Variants in FAM171A1 observed in about 807,000 individuals in gnomAD.
FAM171A1 encodes the protein family with sequence similarity 171 member A1.
A neutral mutation model predicts 74.9 loss-of-function variants in FAM171A1; 23 were observed. The ratio of observed to expected loss-of-function variants is 0.31; its 90% CI spans 0.22 to 0.44. The LOEUF (loss-of-function observed/expected upper bound fraction) is 0.44. Ranked by LOEUF, FAM171A1 falls within the 20% of genes least tolerant of loss-of-function variation. The probability of loss-of-function intolerance (pLI) is 1.00; values close to 1 mark genes in which losing one functional copy is unlikely to be tolerated. For missense variants in FAM171A1, 1,162 were observed against 1,159.2 expected (o/e 1.00, Z -0.03); for synonymous variants, 527 against 505.7 (o/e 1.04, Z -0.57).
intron 5 of FAM171A1, among the ~76,000 whole-genome samples, chr10:15,245,051 CTTTT>C (rs986728042): frequency 9.4e-5 from 14 of 148,748 alleles, no homozygotes; most frequent in Non-Finnish European, 2.1e-4. Flanking sequence ...GTTGACTTTG[CTTTT>C]TTTTTTCTTA....
chr10:15,343,275 G>A (rs1198890804), intron 1 of FAM171A1, among the ~76,000 whole-genome samples: 3 of 152,210 alleles, frequency 2.0e-5, no homozygotes, highest in Non-Finnish European at 4.4e-5. Flanking sequence ...GGGCTGAGGT[G>A]GGAGGATCGC....
rs114734223 is a variant in FAM171A1 at position 15,254,875 on chromosome 10, G to C, written c.423C>G (p.Ala141=). Reference sequence around the variant, plus strand: ...GGAAATGAACGCGAGGCTGTGGCCGGGCACCTGCAGAGATTAACCTCCGAG... The same window carrying C: ...GGAAATGAACGCGAGGCTGTGGCCGCGCACCTGCAGAGATTAACCTCCGAG... ...VVQIVSGFQG[A]RPQPRVHFQR... Residue 141 remains alanine (A), a synonymous_variant, in exon 4 of 8, where the codon GCC becomes GCG. Coordinates refer to ENST00000378116, the MANE Select transcript of FAM171A1 (RefSeq NM_001010924.2). 260 of 1,613,032 alleles carry C rather than the reference G, an allele frequency of 1.6e-4. 1 individual carries two copies. The African/African-American group carries it at 3.3e-3, about 21-fold the overall frequency.
intron 5 of FAM171A1, among the ~76,000 whole-genome samples, chr10:15,228,946 C>T (rs1316918415): frequency 2.0e-5 from 3 of 152,154 alleles, no homozygotes; most frequent in Admixed American, 6.5e-5. Flanking sequence ...GTCATTTAAG[C>T]GCTTGTAGCT....
intron 5 of FAM171A1, among the ~76,000 whole-genome samples, chr10:15,229,800 ATCACCATCACCACCACCATCACCAT>A (rs1834174442): frequency 1.1e-4 from 2 of 18,400 alleles, no homozygotes; most frequent in African/African-American, 6.5e-4. Context: ...CATCACCATC[ATCACCATCACCACCACCATCACCAT>A]CATCATCATC....
intron 3 of FAM171A1, among the ~76,000 whole-genome samples, chr10:15,270,299 T>C (rs1354164176): frequency 2.0e-5 from 3 of 152,154 alleles, no homozygotes; most frequent in Admixed American, 6.5e-5. Context: ...CAGTCTGAGA[T>C]TGAACTGCAA....
chr10:15,363,149 A>G (rs1359518966), intron 1 of FAM171A1, among the ~76,000 whole-genome samples: 1 of 152,178 alleles, frequency 6.6e-6, no homozygotes, highest in Non-Finnish European at 1.5e-5. Context: ...AGACGATTTG[A>G]ACTGGGAAGA....
At chr10:15,267,227 A>T (rs1834756406) in intron 3 of FAM171A1, among the ~76,000 whole-genome samples, 1 of 152,224 alleles carries the variant, frequency 6.6e-6, no homozygotes, top group Non-Finnish European at 1.5e-5. Flanking sequence ...GGCAGGGGGA[A>T]GGAATGCCAG....
In FAM171A1 at chr10:15,282,495, C is replaced by G. The variant is rs536017646; in HGVS notation, c.325+1383G>C. ...TTGTGACCAGAGGCTTGCAGGAACT[C>G]AGCCCTGCGTTTCCCTTGTAGCAGT... On this transcript the variant is annotated intron_variant, in intron 2 of 7. Coordinates refer to ENST00000378116, the MANE Select transcript of FAM171A1 (RefSeq NM_001010924.2). 2.0e-5 allele frequency among the ~76,000 whole-genome samples: 3 copies of G among 152,304 alleles called. No homozygotes were observed. In the East Asian group the frequency reaches 5.8e-4, roughly 29 times the overall value.
intron 4 of FAM171A1, among the ~76,000 whole-genome samples, chr10:15,249,151 C>T (rs1349273015): frequency 4.9e-5 from 7 of 143,676 alleles, no homozygotes; most frequent in Non-Finnish European, 1.0e-4. Flanking sequence ...GGCTGGAGTG[C>T]GATGGCACAA....
chr10:15,329,867 A>G (rs951560309), intron 1 of FAM171A1, among the ~76,000 whole-genome samples: 1 of 152,144 alleles, frequency 6.6e-6, no homozygotes, highest in South Asian at 2.1e-4. Flanking sequence ...AGGCCCGCAC[A>G]CTACCTTTGG....
chr10:15,293,657 T>TG (rs34408522), intron 1 of FAM171A1, among the ~76,000 whole-genome samples: 3,014 of 151,024 alleles, frequency 0.02, 114 homozygotes, highest in African/African-American at 0.07. Flanking sequence ...TTCATAGAGG[T>TG]GGGGGGGATC....
chr10:15,350,840 G>A (rs1162469748), intron 1 of FAM171A1, among the ~76,000 whole-genome samples: 2 of 151,890 alleles, frequency 1.3e-5, no homozygotes, highest in Admixed American at 1.3e-4. Context: ...ACAGGGTTTC[G>A]CCATGTTAAG....
chr10:15,348,224 C>T (rs918334506), intron 1 of FAM171A1, among the ~76,000 whole-genome samples: 4 of 152,216 alleles, frequency 2.6e-5, no homozygotes, highest in African/African-American at 4.8e-5. Context: ...GGTGTTCCGC[C>T]TGCCTCAGCC....
chr10:15,350,351 T>A (rs1250553817), intron 1 of FAM171A1, among the ~76,000 whole-genome samples: 1 of 152,146 alleles, frequency 6.6e-6, no homozygotes, highest in Non-Finnish European at 1.5e-5. Context: ...TTTTACTTTT[T>A]TTTTGAGATG....
intron 1 of FAM171A1, among the ~76,000 whole-genome samples, chr10:15,288,121 T>C (rs1402876843): frequency 1.3e-5 from 2 of 152,240 alleles, no homozygotes; most frequent in African/African-American, 4.8e-5. Context: ...TGATAAGTAT[T>C]CCATAGTATA....
chr10:15,287,688 C>A (rs908996448), intron 1 of FAM171A1, among the ~76,000 whole-genome samples: 17 of 152,066 alleles, frequency 1.1e-4, no homozygotes, highest in Non-Finnish European at 2.5e-4. Flanking sequence ...GCCTGGTTCC[C>A]CCACACACAT....
intron 1 of FAM171A1, among the ~76,000 whole-genome samples, chr10:15,337,421 T>C (rs1835713755): frequency 6.6e-6 from 1 of 152,154 alleles, no homozygotes; most frequent in African/African-American, 2.4e-5. Context: ...CCGTTGGAAA[T>C]AGGGGGCAAA....
intron 4 of FAM171A1, among the ~76,000 whole-genome samples, chr10:15,251,864 C>A (rs1021240770): frequency 6.6e-6 from 1 of 152,158 alleles, no homozygotes; most frequent in Non-Finnish European, 1.5e-5. Flanking sequence ...TAAGTCTGCA[C>A]AAAGACAAGC....
chr10:15,307,347 G>A (rs1404372031), intron 1 of FAM171A1, among the ~76,000 whole-genome samples: 3 of 152,052 alleles, frequency 2.0e-5, no homozygotes, highest in Admixed American at 6.6e-5. Flanking sequence ...CCATCTTAAA[G>A]TAGAAAGCGA....
Sources: allele counts gnomAD v4.1 joint callset (sites outside exome capture counted in the v4.1 genomes callset), GRCh38; gene constraint gnomAD v4.1.1; transcripts MANE v1.5; gene names NCBI Gene and HGNC (gene_info 2026-07-23, HGNC 2026-07-21).